DHRSX: variants seen among roughly 807,000 people sequenced by gnomAD.
The protein encoded by DHRSX is dehydrogenase/reductase X-linked.
In DHRSX, 31 loss-of-function variants were observed where a neutral mutation model predicts 34.0. That is an observed-to-expected ratio of 0.91 (90% CI 0.69 to 1.23). DHRSX has a LOEUF of 1.23. Ranked by LOEUF, DHRSX falls within the 50% of genes most tolerant of loss-of-function variation. The probability of loss-of-function intolerance (pLI) is 0.00; values close to 1 mark genes in which losing one functional copy is unlikely to be tolerated. For missense variants in DHRSX, 414 were observed against 428.1 expected, an observed-to-expected ratio of 0.97 and a Z score of 0.29; for synonymous variants, 201 against 183.8, an observed-to-expected ratio of 1.09 and a Z score of -0.76.
intron 3 of DHRSX, among the ~76,000 whole-genome samples, chrX:2,330,528 A>AG (rs2042454186): frequency 1.3e-5 from 2 of 148,542 alleles, no homozygotes; most frequent in Admixed American, 1.3e-4. Context: ...AAAGAAAAAA[A>AG]AAAAGAAAAG....
chrX:2,491,028 C>T (rs2045124824), intron 1 of DHRSX, among the ~76,000 whole-genome samples: 2 of 150,534 alleles, frequency 1.3e-5, no homozygotes, highest in African/African-American at 2.4e-5. Flanking sequence ...CGAGTGAGCA[C>T]GGCATTTTTG....
intron 6 of DHRSX, among the ~76,000 whole-genome samples, chrX:2,227,312 A>G (rs2015689717): frequency 6.6e-6 from 1 of 151,648 alleles, no homozygotes; most frequent in South Asian, 2.1e-4. Context: ...ACAGAGAAAC[A>G]AAAAAAATCA....
At chrX:2,317,348 C>T (rs2042253404) in intron 3 of DHRSX, among the ~76,000 whole-genome samples, 1 of 150,558 alleles carries the variant, frequency 6.6e-6, no homozygotes, top group African/African-American at 2.5e-5. Context: ...ACCTCCCGGG[C>T]TCAGATGATT....
intron 1 of DHRSX, among the ~76,000 whole-genome samples, chrX:2,499,930 C>T (rs943032961): frequency 1.3e-5 from 2 of 152,188 alleles, no homozygotes; most frequent in Non-Finnish European, 2.9e-5. Context: ...GTAATGCCAG[C>T]ACTTTGGGAG....
rs528330811 is a variant in DHRSX at position 2,311,555 on chromosome X, T to C, written c.287-19952A>G. On this transcript the variant is annotated intron_variant, in intron 3 of 6. Coordinates refer to ENST00000334651, the MANE Select transcript of DHRSX (RefSeq NM_145177.3). ...AAAGAAGATTAAAATGAAAGCACCA[T>C]TGACCCACCCGCGAGGCAAAGAGCA... Among the ~76,000 whole-genome samples the C allele has an allele frequency of 6.6e-5, 10 of 152,234 alleles. No individual in the cohort carries two copies. In the South Asian group the frequency reaches 1.9e-3, roughly 28 times the overall value.
chrX:2,499,448 A>G (rs2045358490), intron 1 of DHRSX, among the ~76,000 whole-genome samples: 1 of 152,172 alleles, frequency 6.6e-6, no homozygotes, highest in Non-Finnish European at 1.5e-5. Context: ...CAGTTCACAA[A>G]TAATTGTTTA....
At chrX:2,440,770 C>G (rs1006701429) in intron 1 of DHRSX, among the ~76,000 whole-genome samples, 2 of 152,106 alleles carry the variant, frequency 1.3e-5, no homozygotes, top group Non-Finnish European at 2.9e-5. Flanking sequence ...GGTTTTGGGC[C>G]TTGGACTGGC....
chrX:2,272,839 C>T (rs186807205), intron 4 of DHRSX, among the ~76,000 whole-genome samples: 2 of 152,230 alleles, frequency 1.3e-5, no homozygotes, highest in South Asian at 2.1e-4. Context: ...TCCTGTGCCC[C>T]GAAAGAAAGT....
At chrX:2,443,080 T>C (rs1364733375) in intron 1 of DHRSX, among the ~76,000 whole-genome samples, 1 of 152,164 alleles carries the variant, frequency 6.6e-6, no homozygotes. Flanking sequence ...TCACCCAAGC[T>C]GTAGTGCAGT....
chrX:2,489,990 C>T (rs1189721572), intron 1 of DHRSX: 9 of 1,613,778 alleles, frequency 5.6e-6, no homozygotes, highest in Non-Finnish European at 6.8e-6. Context: ...ATGGTCTCCG[C>T]CGTGTTCTCT....
At chrX:2,226,720 G>C (rs975956087) in intron 6 of DHRSX, among the ~76,000 whole-genome samples, 5 of 152,000 alleles carry the variant, frequency 3.3e-5, no homozygotes, top group African/African-American at 2.4e-5. Flanking sequence ...GCGTGAACCC[G>C]GGAGGCGGGG....
Position 2,488,537 on chromosome X carries a change from T to A in DHRSX, c.109+12280A>T, listed in dbSNP as rs377027599. 2.1e-3 allele frequency: 2,923 copies of A among 1,419,806 alleles called. 66 individuals carry two copies. In the South Asian group the frequency reaches 0.038, roughly 18 times the overall value. 88.0% of individuals were successfully genotyped at this position (1,419,806 alleles called of 1,614,324 possible). On this transcript the variant is annotated intron_variant, in intron 1 of 6. Coordinates refer to ENST00000334651, the MANE Select transcript of DHRSX (RefSeq NM_145177.3). ...TCTAGGTGTCAAAGACAGTGGATGG[T>A]CTCTGAGGTTCAAAACCAAGCTGAC...
At chrX:2,399,461 C>T (rs1298431981) in intron 3 of DHRSX, among the ~76,000 whole-genome samples, 1 of 150,088 alleles carries the variant, frequency 6.7e-6, no homozygotes, top group Non-Finnish European at 1.5e-5. Flanking sequence ...AATCCCAGCA[C>T]TTCGGGAGGC....
chrX:2,490,757 C>T (rs369425140), intron 1 of DHRSX: 2 of 1,590,776 alleles, frequency 1.3e-6, no homozygotes, highest in Non-Finnish European at 1.7e-6. Flanking sequence ...GACGGCTGCT[C>T]ATGCGTGGGG....
At chrX:2,456,647 T>C (rs1419812043) in intron 1 of DHRSX, among the ~76,000 whole-genome samples, 2 of 144,074 alleles carry the variant, frequency 1.4e-5, no homozygotes, top group African/African-American at 5.1e-5. Context: ...GGATGAAGAA[T>C]GAAAGGTGCA....
chrX:2,429,005 TTTC>T (rs2043884027), intron 1 of DHRSX, among the ~76,000 whole-genome samples: 1 of 152,172 alleles, frequency 6.6e-6, no homozygotes, highest in Admixed American at 6.5e-5. Flanking sequence ...TGTGTAAGAC[TTTC>T]ATTTTGTTTT....
chrX:2,303,140 T>TA (rs913959499), intron 3 of DHRSX, among the ~76,000 whole-genome samples: 36 of 152,098 alleles, frequency 2.4e-4, no homozygotes, highest in African/African-American at 8.2e-4. Flanking sequence ...GGATTTTTTT[T>TA]AAAAAAACTA....
chrX:2,305,262 G>C (rs1213978802), intron 3 of DHRSX, among the ~76,000 whole-genome samples: 1 of 152,068 alleles, frequency 6.6e-6, no homozygotes, highest in Non-Finnish European at 1.5e-5. Context: ...CTGCTCAGTA[G>C]TGAAGTACAA....
intron 1 of DHRSX, among the ~76,000 whole-genome samples, chrX:2,479,678 G>A (rs2044739669): frequency 6.7e-6 from 1 of 149,186 alleles, no homozygotes; most frequent in South Asian, 2.1e-4. Context: ...AGGGACTGCC[G>A]CCATGTACAC....
Sources: allele counts gnomAD v4.1 joint callset (sites outside exome capture counted in the v4.1 genomes callset), GRCh38; gene constraint gnomAD v4.1.1; transcripts MANE v1.5; gene names NCBI Gene and HGNC (gene_info 2026-07-23, HGNC 2026-07-21).